The following RALYL variants were observed in gnomAD, a reference collection of about 807,000 sequenced individuals.
The protein encoded by RALYL is RNA-binding Raly-like protein.
Under a neutral mutation model 35.1 loss-of-function variants are expected in RALYL, and 29 were observed. The ratio of observed to expected loss-of-function variants is 0.83; its 90% confidence interval spans 0.61 to 1.13. The LOEUF is 1.13. Among genes scored for constraint, RALYL ranks in the 50% most tolerant of loss-of-function variants. The pLI, the probability that RALYL is intolerant of heterozygous loss-of-function variation, is 0.00. For missense variants in RALYL, 359 were observed against 360.4 expected (o/e 1.00, Z 0.03); for synonymous variants, 120 against 127.6 (o/e 0.94, Z 0.40).
intron 1 of RALYL, among the ~76,000 whole-genome samples, chr8:84,362,001 A>G (rs912503372): frequency 1.3e-5 from 2 of 152,154 alleles, no homozygotes; most frequent in Non-Finnish European, 2.9e-5. Context: ...CTTATTTTCC[A>G]GGTTGCTGTA....
intron 3 of RALYL, among the ~76,000 whole-genome samples, chr8:84,780,040 A>G (rs1817724688): frequency 1.3e-5 from 2 of 152,198 alleles, no homozygotes; most frequent in African/African-American, 4.8e-5. Context: ...TGATCATTTT[A>G]TTCATTTTCT....
intron 1 of RALYL, among the ~76,000 whole-genome samples, chr8:84,240,876 G>A (rs1475523648): frequency 6.6e-6 from 1 of 152,056 alleles, no homozygotes; most frequent in Non-Finnish European, 1.5e-5. Context: ...GATACACATA[G>A]CTTCAGAATA....
chr8:84,485,147 T>C (rs963454841), intron 1 of RALYL, among the ~76,000 whole-genome samples: 9 of 152,162 alleles, frequency 5.9e-5, no homozygotes, highest in African/African-American at 2.2e-4. Context: ...CTTAGTTCTA[T>C]ATACTCTGTC....
intron 1 of RALYL, among the ~76,000 whole-genome samples, chr8:84,288,160 G>GT (rs113037990): frequency 0.022 from 3,279 of 150,842 alleles, 119 homozygotes; most frequent in African/African-American, 0.071. Flanking sequence ...TGGTTCTCCT[G>GT]TTTTTTTTTG....
intron 2 of RALYL, among the ~76,000 whole-genome samples, chr8:84,749,769 T>C (rs1809513722): frequency 1.3e-5 from 2 of 152,160 alleles, no homozygotes; most frequent in Non-Finnish European, 2.9e-5. Flanking sequence ...CACTTACAGA[T>C]AGGCAGCAAG....
At chr8:84,193,294 C>T (rs1189253871) in intron 1 of RALYL, among the ~76,000 whole-genome samples, 2 of 152,064 alleles carry the variant, frequency 1.3e-5, no homozygotes, top group Middle Eastern at 6.8e-3. Context: ...GATGGAATCC[C>T]CTTGCAGGAA....
intron 2 of RALYL, among the ~76,000 whole-genome samples, chr8:84,668,160 A>G (rs897608505): frequency 3.3e-5 from 5 of 152,294 alleles, no homozygotes; most frequent in Middle Eastern, 3.4e-3. Context: ...CTGTCAAGGT[A>G]TATGACAATC....
chr8:84,914,320 A>G (rs1311098031), intron 8 of RALYL, among the ~76,000 whole-genome samples: 1 of 151,992 alleles, frequency 6.6e-6, no homozygotes, highest in Non-Finnish European at 1.5e-5. Flanking sequence ...TAGCATTGGG[A>G]GTAAATAACG....
At chr8:84,786,200 T>C (rs1164596574) in intron 3 of RALYL, among the ~76,000 whole-genome samples, 1 of 152,228 alleles carries the variant, frequency 6.6e-6, no homozygotes, top group Non-Finnish European at 1.5e-5. Context: ...AGTATACGTA[T>C]ACCACATTTC....
At chr8:84,223,079 C>CTTCCTTTCCTTTCCTTTCCTTTCCT (rs1450176587) in intron 1 of RALYL, among the ~76,000 whole-genome samples, 1 of 133,004 alleles carries the variant, frequency 7.5e-6, no homozygotes, top group Non-Finnish European at 1.6e-5. Context: ...TCCCTTTGCC[C>CTTCCTTTCCTTTCCTTTCCTTTCCT]TGCCTTTCCT....
chr8:84,694,197 A>G (rs1286771536), intron 2 of RALYL, among the ~76,000 whole-genome samples: 2 of 151,954 alleles, frequency 1.3e-5, no homozygotes, highest in Non-Finnish European at 2.9e-5. Flanking sequence ...ATGATCTTAT[A>G]TAGAGAAATC....
At chr8:84,333,239 GTTGT>G (rs539056274) in intron 1 of RALYL, among the ~76,000 whole-genome samples, 203 of 152,114 alleles carry the variant, frequency 1.3e-3, no homozygotes, top group African/African-American at 4.5e-3. Context: ...TATCATTTTA[GTTGT>G]TTGTTCAGTC....
intron 2 of RALYL, among the ~76,000 whole-genome samples, chr8:84,602,556 G>A (rs1019113063): frequency 1.3e-5 from 2 of 151,968 alleles, no homozygotes; most frequent in Admixed American, 6.6e-5. Context: ...GGAGGCATTT[G>A]TCCACTGAGA....
intron 4 of RALYL, chr8:84,829,256 A>G (rs1830379919): frequency 1.3e-5 from 2 of 152,372 alleles, no homozygotes; most frequent in South Asian, 4.1e-4. Flanking sequence ...GTTACCTCCC[A>G]CTGGCTCCCT....
chr8:84,448,863 C>T (rs758465954), intron 1 of RALYL, among the ~76,000 whole-genome samples: 10 of 151,886 alleles, frequency 6.6e-5, no homozygotes, highest in Non-Finnish European at 1.0e-4. Context: ...TCTGGTCATG[C>T]TAGGTTCTTC....
chr8:84,893,370 ATC>A (rs1331362083), intron 8 of RALYL, among the ~76,000 whole-genome samples: 1 of 152,222 alleles, frequency 6.6e-6, no homozygotes, highest in East Asian at 1.9e-4. Flanking sequence ...CAACATTTCA[ATC>A]TCTTTTATTC....
At chr8:84,531,138 C>T (rs2059251656) in intron 2 of RALYL, among the ~76,000 whole-genome samples, 1 of 152,106 alleles carries the variant, frequency 6.6e-6, no homozygotes, top group Non-Finnish European at 1.5e-5. Flanking sequence ...AATTTATAAT[C>T]TTACCTGTGT....
chr8:84,218,025 C>T (rs192443552), intron 1 of RALYL, among the ~76,000 whole-genome samples: 3 of 151,972 alleles, frequency 2.0e-5, no homozygotes, highest in Admixed American at 2.0e-4. Context: ...TGATTTGAAA[C>T]TATTTTTACA....
intron 1 of RALYL, among the ~76,000 whole-genome samples, chr8:84,361,505 T>A (rs1284875806): frequency 1.3e-5 from 2 of 152,130 alleles, no homozygotes; most frequent in Non-Finnish European, 2.9e-5. Context: ...TACATCAGAG[T>A]TGCAGTGAAT....
Sources: gnomAD v4.1 joint callset for allele counts (sites outside exome capture counted in the v4.1 genomes callset) on GRCh38, gnomAD v4.1.1 for gene constraint, MANE v1.5 for transcripts, NCBI Gene and HGNC (gene_info 2026-07-23, HGNC 2026-07-21) for gene names.